KCNJ3: variants seen among roughly 807,000 people sequenced by gnomAD.
KCNJ3 encodes the protein potassium inwardly rectifying channel subfamily J member 3.
In KCNJ3, 4 loss-of-function variants were observed where a neutral mutation model predicts 39.2. That is an observed-to-expected ratio of 0.10 (90% CI 0.05 to 0.23). KCNJ3 has a LOEUF of 0.23. Among genes scored for constraint, KCNJ3 ranks in the 10% least tolerant of loss-of-function variants. The pLI, the probability that KCNJ3 is intolerant of heterozygous loss-of-function variation, is 1.00. For missense variants in KCNJ3, 276 were observed against 634.9 expected (o/e 0.43, Z 6.08); for synonymous variants, 230 against 237.4 (o/e 0.97, Z 0.29).
chr2:154,735,005 T>G (rs1400229166), intron 2 of KCNJ3, among the ~76,000 whole-genome samples: 4 of 152,092 alleles, frequency 2.6e-5, no homozygotes, highest in Non-Finnish European at 5.9e-5. Context: ...CCATTTATGT[T>G]TAGTCAAAAG....
At chr2:154,832,144 C>T (rs979211126) in intron 2 of KCNJ3, among the ~76,000 whole-genome samples, 3 of 151,982 alleles carry the variant, frequency 2.0e-5, no homozygotes, top group Non-Finnish European at 2.9e-5. Context: ...CGATCTGCCC[C>T]CATGCATCTA....
intron 2 of KCNJ3, among the ~76,000 whole-genome samples, chr2:154,715,833 TCTCA>T (rs1431596042): frequency 6.6e-6 from 1 of 152,160 alleles, no homozygotes; most frequent in Non-Finnish European, 1.5e-5. Context: ...TATATATCTA[TCTCA>T]ATTTTTTATT....
chr2:154,818,240 T>C (rs1246290168), intron 2 of KCNJ3, among the ~76,000 whole-genome samples: 1 of 152,190 alleles, frequency 6.6e-6, no homozygotes, highest in African/African-American at 2.4e-5. Context: ...GGGAATAACA[T>C]AGCCTTCCTC....
chr2:154,850,008 CTTTTTTTTTTT>C (rs373062062), intron 2 of KCNJ3, among the ~76,000 whole-genome samples: 1,016 of 48,866 alleles, frequency 0.021, 36 homozygotes, highest in African/African-American at 0.073. Flanking sequence ...CAGAATAAAT[CTTTTTTTTTTT>C]TTTTTTTTTT....
intron 2 of KCNJ3, among the ~76,000 whole-genome samples, chr2:154,810,046 A>T (rs1466416994): frequency 8.3e-6 from 1 of 120,076 alleles, no homozygotes; most frequent in Non-Finnish European, 2.0e-5. Flanking sequence ...CGGTTCTAAC[A>T]ATGATTAATA....
At chr2:154,763,714 A>C (rs776193855) in intron 2 of KCNJ3, among the ~76,000 whole-genome samples, 1 of 152,142 alleles carries the variant, frequency 6.6e-6, no homozygotes, top group East Asian at 1.9e-4. Flanking sequence ...GATGCTGAGA[A>C]TCAAACCCCA....
At chr2:154,814,624 C>G (rs1415466248) in intron 2 of KCNJ3, among the ~76,000 whole-genome samples, 1 of 151,778 alleles carries the variant, frequency 6.6e-6, no homozygotes, top group Non-Finnish European at 1.5e-5. Flanking sequence ...GCAACAAGAG[C>G]AAGACTCCGT....
intron 2 of KCNJ3, among the ~76,000 whole-genome samples, chr2:154,791,114 C>T (rs1686621148): frequency 6.6e-6 from 1 of 151,876 alleles, no homozygotes; most frequent in South Asian, 2.1e-4. Flanking sequence ...CCACTGTTGG[C>T]CGGTGAGATT....
chr2:154,742,466 C>A (rs976341675), intron 2 of KCNJ3, among the ~76,000 whole-genome samples: 1 of 151,744 alleles, frequency 6.6e-6, no homozygotes, highest in Non-Finnish European at 1.5e-5. Flanking sequence ...TCCTCCACAG[C>A]AGCTATGCCC....
intron 2 of KCNJ3, among the ~76,000 whole-genome samples, chr2:154,836,557 C>G (rs1687466791): frequency 6.6e-6 from 1 of 151,950 alleles, no homozygotes; most frequent in Admixed American, 6.6e-5. Context: ...CTTTATCAGA[C>G]TTGTATATAC....
At chr2:154,834,875 T>G in intron 2 of KCNJ3, among the ~76,000 whole-genome samples, 1 of 145,038 alleles carries the variant, frequency 6.9e-6, no homozygotes, top group East Asian at 2.2e-4. Flanking sequence ...AATAATAACT[T>G]CTCATTCCAC....
At chr2:154,853,907 C>A (rs1382624751) in intron 2 of KCNJ3, among the ~76,000 whole-genome samples, 1 of 152,028 alleles carries the variant, frequency 6.6e-6, no homozygotes. Flanking sequence ...ATTCCTAGAG[C>A]AGGAATGGAA....
At position 154,844,390 on chromosome 2, in the gene KCNJ3, G is replaced by T. The variant is rs527413058; in HGVS notation, c.920-10337G>T. ...CTATTGGGAGATGTCTCCCAGTTAG[G>T]CTACACAGGAGACAGGGACCAACTT... On this transcript the variant is annotated intron_variant, in intron 2 of 2. Transcript: ENST00000295101. Among the ~76,000 whole-genome samples, 10 of 152,344 alleles carry T rather than the reference G, an allele frequency of 6.6e-5. No individual in the cohort carries two copies. The South Asian group carries it at 2.1e-3, about 32-fold the overall frequency.
intron 2 of KCNJ3, among the ~76,000 whole-genome samples, chr2:154,742,386 G>A (rs1234767982): frequency 6.6e-6 from 1 of 151,762 alleles, no homozygotes. Flanking sequence ...TCTTTTGGGT[G>A]TATACTCAGA....
intron 2 of KCNJ3, among the ~76,000 whole-genome samples, chr2:154,850,008 C>CTTTTTTTTTTTTTTTTTTTTTTTTT (rs373062062): frequency 1.4e-4 from 7 of 48,860 alleles, no homozygotes; most frequent in African/African-American, 2.4e-4. Context: ...CAGAATAAAT[C>CTTTTTTTTTTTTTTTTTTTTTTTTT]TTTTTTTTTT....
chr2:154,791,907 C>T (rs1217663495), intron 2 of KCNJ3, among the ~76,000 whole-genome samples: 1 of 152,024 alleles, frequency 6.6e-6, no homozygotes, highest in Non-Finnish European at 1.5e-5. Context: ...GTATAAGGCC[C>T]AGAGATTGCA....
chr2:154,836,172 T>G (rs1412910965), intron 2 of KCNJ3, among the ~76,000 whole-genome samples: 1 of 144,256 alleles, frequency 6.9e-6, no homozygotes, highest in African/African-American at 2.6e-5. Context: ...ATCACACCAC[T>G]GCACCCCAGC....
chr2:154,701,117 T>C (rs1198639640), intron 1 of KCNJ3, among the ~76,000 whole-genome samples: 1 of 152,164 alleles, frequency 6.6e-6, no homozygotes, highest in Admixed American at 6.5e-5. Flanking sequence ...ATTACAATAG[T>C]AACTGTATGT....
intron 2 of KCNJ3, among the ~76,000 whole-genome samples, chr2:154,851,711 T>C (rs139092764): frequency 2.2e-4 from 34 of 152,334 alleles, no homozygotes; most frequent in African/African-American, 7.5e-4. Context: ...TCCTTTTCAG[T>C]TGAAATCATG....
Sources: gnomAD v4.1 joint callset for allele counts (sites outside exome capture counted in the v4.1 genomes callset) on GRCh38, gnomAD v4.1.1 for gene constraint, MANE v1.5 for transcripts, NCBI Gene and HGNC (gene_info 2026-07-23, HGNC 2026-07-21) for gene names.